PCM1: variants seen among roughly 807,000 people sequenced by gnomAD.
The protein encoded by PCM1 is pericentriolar material 1.
A neutral mutation model predicts 241.9 loss-of-function variants in PCM1; 157 were observed. That is an observed-to-expected ratio of 0.65 (90% confidence interval 0.57 to 0.74). The LOEUF (loss-of-function observed/expected upper bound fraction) is 0.74. Ranked by LOEUF, PCM1 falls within the 30% of genes least tolerant of loss-of-function variation. The pLI is 0.00. For synonymous variants in PCM1, 1,085 were observed against 784.9 expected (o/e 1.38, Z -6.39); for missense variants, 3,478 against 2,360.1 (o/e 1.47, Z -9.81).
At chr8:17,984,805 A>G (rs554537995) in intron 24 of PCM1, among the ~76,000 whole-genome samples, 1 of 152,000 alleles carries the variant, frequency 6.6e-6, no homozygotes, top group Non-Finnish European at 1.5e-5. Flanking sequence ...AGATTCTGTG[A>G]AACTGAAAAC....
intron 26 of PCM1, 135 bp downstream of exon 26, chr8:17,986,222 G>A (rs1478789605): frequency 1.0e-5 from 6 of 581,544 alleles, no homozygotes; most frequent in Non-Finnish European, 1.7e-5. Flanking sequence ...TGGGTATAAT[G>A]TGTTATTTTA....
chr8:17,960,322 T>C lies in PCM1; in HGVS notation c.2200T>C (p.Phe734Leu). The change falls in exon 15 of 39, where the codon TTT (phenylalanine) becomes CTT (leucine). Residue 734 changes from phenylalanine to leucine, a missense_variant. By Grantham distance (22) the Phe-to-Leu change is conservative (BLOSUM62 0). Coordinates refer to ENST00000325083, the MANE Select transcript of PCM1 (RefSeq NM_006197.4). ...TGVNEKAREK[F>L]YEAKLQQQQR... is the part of the protein sequence containing the mutation. The stretch of plus-strand genomic sequence containing the variant: ...ATGTCAATTTAATTGTAGAGAGAAA[T>C]TTTATGAGGCTAAACTACAGCAGCA... 3 of 1,589,250 alleles carry C rather than the reference T, an allele frequency of 1.9e-6. No homozygotes were observed. Among genetic ancestry groups the C allele is most frequent in the Non-Finnish European group, 2.6e-6 (3 of 1,173,658 alleles).
At chr8:17,987,678 T>C (rs1314042937) in intron 26 of PCM1, among the ~76,000 whole-genome samples, 1 of 151,884 alleles carries the variant, frequency 6.6e-6, no homozygotes, top group Admixed American at 6.6e-5. Context: ...ACATCTTCCC[T>C]TTACTAATGC....
intron 23 of PCM1, among the ~76,000 whole-genome samples, chr8:17,978,139 T>TA (rs958007641): frequency 4.8e-4 from 73 of 152,018 alleles, no homozygotes; most frequent in African/African-American, 1.6e-3. Flanking sequence ...TTAGATTATT[T>TA]AAAAAAGAGG....
intron 2 of PCM1, among the ~76,000 whole-genome samples, chr8:17,931,026 A>G (rs187707593): frequency 2.6e-5 from 4 of 152,360 alleles, no homozygotes; most frequent in African/African-American, 4.8e-5. Flanking sequence ...CCCTATGGCA[A>G]TCACAGTGTA....
chr8:17,994,173 C>T (rs1000031521), intron 29 of PCM1, among the ~76,000 whole-genome samples: 3 of 152,070 alleles, frequency 2.0e-5, no homozygotes, highest in Admixed American at 2.0e-4. Flanking sequence ...AACCATCTTC[C>T]CTATTCCCTA....
At chr8:17,969,908 A>T (rs900055143) in intron 22 of PCM1, among the ~76,000 whole-genome samples, 160 bp downstream of exon 22, 2 of 152,180 alleles carry the variant, frequency 1.3e-5, no homozygotes, top group Non-Finnish European at 2.9e-5. Context: ...ATGAGATGCC[A>T]GATACTTCCT....
At chr8:17,958,699 C>A (rs906015357) in intron 13 of PCM1, among the ~76,000 whole-genome samples, 1 of 149,748 alleles carries the variant, frequency 6.7e-6, no homozygotes, top group African/African-American at 2.5e-5. Flanking sequence ...CGTGCTCTCT[C>A]GGTTCAAAAA....
intron 6 of PCM1, among the ~76,000 whole-genome samples, chr8:17,946,820 C>T (rs1176869739): frequency 6.9e-6 from 1 of 144,258 alleles, no homozygotes; most frequent in Non-Finnish European, 1.5e-5. Context: ...TCTGTAGGGG[C>T]CTAGATTCTT....
Position 17,962,083 on chromosome 8 carries a change from C to T in PCM1, c.2372C>T (p.Ala791Val), listed in dbSNP as rs1401011274. ...GNCPTKKYMP[A>V]VTSTPTVNQH... is the part of the protein sequence containing the mutation. ...TGTCCCACCAAAAAATATATGCCAG[C>T]TGTTACTTCAACCCCAACTGTTAAT... Residue 791 changes from alanine (A) to valine (V), a missense_variant, in exon 16 of 39, where the codon GCT (alanine) becomes GTT (valine). Ala to Val is a moderately conservative substitution (Grantham distance 64, BLOSUM62 0). Coordinates refer to ENST00000325083, the MANE Select transcript of PCM1 (RefSeq NM_006197.4). 1.2e-5 allele frequency: 19 copies of T among 1,611,566 alleles called. No individual in the cohort carries two copies. The highest frequency in any genetic ancestry group is 1.5e-5 in the Non-Finnish European group (18 of 1,178,422).
chr8:17,974,935 G>A (rs898456094), intron 23 of PCM1, among the ~76,000 whole-genome samples: 2 of 151,816 alleles, frequency 1.3e-5, no homozygotes, highest in African/African-American at 4.8e-5. Flanking sequence ...ACATAGCAGA[G>A]CCGAAGTAAT....
Position 17,972,567 on chromosome 8 carries a change from A to G in PCM1, c.3823A>G (p.Lys1275Glu), listed in dbSNP as rs553566639. 562 of 1,613,756 alleles carry G rather than the reference A, an allele frequency of 3.5e-4. 7 individuals carry two copies. The South Asian group carries it at 5.7e-3, about 16-fold the overall frequency. Reference protein sequence around the residue: ...PDPVDPTTVTKTFKTRKASAQ... With the variant: ...PDPVDPTTVTETFKTRKASAQ... ...TCCAGTAGATCCAACAACAGTGACT[A>G]AAACATTCAAGACAAGAAAAGCGTC... Residue 1275 changes from lysine to glutamate, a missense_variant, in exon 23 of 39, where the codon AAA becomes GAA. Transcript: ENST00000325083.
At chr8:18,017,054 T>A (rs1324650425) in intron 36 of PCM1, among the ~76,000 whole-genome samples, 1 of 152,222 alleles carries the variant, frequency 6.6e-6, no homozygotes, top group Non-Finnish European at 1.5e-5. Flanking sequence ...TGTTAATGGA[T>A]GACTACGGCA....
chr8:17,946,000 A>T (rs942644736), intron 6 of PCM1, among the ~76,000 whole-genome samples: 1 of 152,328 alleles, frequency 6.6e-6, no homozygotes, highest in African/African-American at 2.4e-5. Context: ...TGAAAAATAC[A>T]ATTACGGTAT....
Position 18,025,610 on chromosome 8 carries a change from A to C in PCM1, c.6001A>C (p.Met2001Leu), listed in dbSNP as rs1182842037. The change falls in exon 38 of 39, where the codon ATG becomes CTG. Residue 2001 changes from methionine to leucine, a missense_variant. Transcript: ENST00000325083. Reference protein sequence around the residue: ...KNHLSGEICEMQTEELAGNSE... With the variant: ...KNHLSGEICELQTEELAGNSE... ...CCATTTATCTGGTGAAATATGTGAA[A>C]TGCAGACCGAAGAATTAGCTGGAAA... The C allele has an allele frequency of 6.3e-7, 1 of 1,581,192 alleles. No homozygotes were observed. The highest frequency in any genetic ancestry group is 8.6e-7 in the Non-Finnish European group (1 of 1,162,548).
At position 17,956,775 on chromosome 8, in the gene PCM1, T is replaced by G. The variant is rs375651015; in HGVS notation, c.1644T>G (p.Ile548Met). The G allele has an allele frequency of 5.6e-6, 9 of 1,604,716 alleles. No homozygotes were observed. The highest frequency in any genetic ancestry group is 6.0e-6 in the Non-Finnish European group (7 of 1,174,292). The stretch of plus-strand genomic sequence containing the variant: ...AAAATTCCGAGCCTGTTACTAACAT[T>G]CGGTAAGAACTTTTCTGGGGATGTT... ...EHENSEPVTNIRNPQVASTWN... is the reference protein window; with the variant it reads ...EHENSEPVTNMRNPQVASTWN... Residue 548 changes from isoleucine (I) to methionine (M), a missense_variant and splice_region_variant, in exon 11 of 39, where the codon ATT becomes ATG. Coordinates refer to ENST00000325083, the MANE Select transcript of PCM1 (RefSeq NM_006197.4).
At chr8:17,943,901 C>T (rs540025873) in intron 6 of PCM1, among the ~76,000 whole-genome samples, 3 of 152,056 alleles carry the variant, frequency 2.0e-5, no homozygotes, top group Non-Finnish European at 2.9e-5. Flanking sequence ...TTGAAAGCAA[C>T]CTTGAGACTT....
At chr8:17,934,452 G>A (rs1467491501) in intron 2 of PCM1, among the ~76,000 whole-genome samples, 2 of 151,734 alleles carry the variant, frequency 1.3e-5, no homozygotes, top group Non-Finnish European at 1.5e-5. Context: ...GTAGAGATGG[G>A]GTTTTACCAT....
chr8:17,989,358 G>C (rs964334027), intron 26 of PCM1, among the ~76,000 whole-genome samples: 4 of 151,972 alleles, frequency 2.6e-5, no homozygotes, highest in African/African-American at 9.7e-5. Context: ...CTGGTTACAT[G>C]AGTGTATACA....
Sources: gnomAD v4.1 joint callset for allele counts (sites outside exome capture counted in the v4.1 genomes callset) on GRCh38, gnomAD v4.1.1 for gene constraint, MANE v1.5 for transcripts, NCBI Gene and HGNC (gene_info 2026-07-23, HGNC 2026-07-21) for gene names.